Variants in SYBU observed in about 807,000 individuals in gnomAD.
The protein encoded by SYBU is GOLSYN A protein.
A neutral mutation model predicts 35.9 loss-of-function variants in SYBU; 21 were observed. The ratio of observed to expected loss-of-function variants is 0.58; its 90% CI spans 0.41 to 0.84. The LOEUF (loss-of-function observed/expected upper bound fraction) is 0.84. Ranked by LOEUF, SYBU falls within the 40% of genes least tolerant of loss-of-function variation. The pLI is 0.00. For missense variants in SYBU, 768 were observed against 848.2 expected, an observed-to-expected ratio of 0.91 and a Z score of 1.17; for synonymous variants, 319 against 324.3, an observed-to-expected ratio of 0.98 and a Z score of 0.18.
chr8:109,575,844 CTT>C lies in SYBU; in HGVS notation c.1052_1053del (p.Lys351ArgfsTer2). The C allele has an allele frequency of 6.2e-7, 1 of 1,613,984 alleles. No homozygotes were observed. Among genetic ancestry groups the C allele is most frequent in the Non-Finnish European group, 8.5e-7 (1 of 1,179,980 alleles). ...ACAAAATATTTCTGAATGCCTTTAT[CTT>C]TATCAGCCAAGCTGCTCCGCATGGT... ...IETMRSSLAD[K>X]DKGIQKYFVD... On this transcript the variant is annotated frameshift_variant, in exon 7 of 7. Transcript: ENST00000276646. LOFTEE classifies it low-confidence loss of function (END_TRUNC).
chr8:109,581,575 T>C (rs1038263787), intron 4 of SYBU, among the ~76,000 whole-genome samples: 3 of 152,262 alleles, frequency 2.0e-5, no homozygotes, highest in African/African-American at 7.2e-5. Context: ...TAAAGTTCTA[T>C]GTCAGGAATA....
rs886227967 is a variant in SYBU at position 109,671,297 on chromosome 8, G to A, written c.-129+9414C>T. 3.3e-5 allele frequency among the ~76,000 whole-genome samples: 5 copies of A among 152,112 alleles called. No individual in the cohort carries two copies. The East Asian group carries it at 9.7e-4, about 29-fold the overall frequency. Reference sequence around the variant, plus strand: ...TTAAAAAGAGAGGAAGGCTATTTGAGTGCATATTTCATAAGCTTCTTATTC... The same window carrying A: ...TTAAAAAGAGAGGAAGGCTATTTGAATGCATATTTCATAAGCTTCTTATTC... On this transcript the variant is annotated intron_variant, in intron 1 of 5. Transcript: ENST00000408889.
At chr8:109,632,521 T>C (rs1287899008) in intron 2 of SYBU, among the ~76,000 whole-genome samples, 1 of 152,058 alleles carries the variant, frequency 6.6e-6, no homozygotes, top group African/African-American at 2.4e-5. Flanking sequence ...GGGATAAAAA[T>C]GGAAAAAAAT....
At chr8:109,624,013 A>G (rs1174648700) in intron 2 of SYBU, among the ~76,000 whole-genome samples, 2 of 152,190 alleles carry the variant, frequency 1.3e-5, no homozygotes, top group East Asian at 3.8e-4. Flanking sequence ...TGTCATTGAA[A>G]ATTTCTCCCT....
intron 3 of SYBU, among the ~76,000 whole-genome samples, chr8:109,591,275 G>A (rs1395183154): frequency 6.6e-6 from 1 of 152,094 alleles, no homozygotes; most frequent in Non-Finnish European, 1.5e-5. Context: ...TAGATAATAT[G>A]TAACCTGCCA....
chr8:109,636,716 CAA>C (rs1348319506), intron 2 of SYBU, among the ~76,000 whole-genome samples: 1 of 151,824 alleles, frequency 6.6e-6, no homozygotes, highest in Non-Finnish European at 1.5e-5. Flanking sequence ...AAAGAATATG[CAA>C]AATAGTAAAA....
rs954415889 is a variant in SYBU, at chr8:109,625,924, T to C, written c.230-6885A>G. ...GACAACTTATATTCCTATTATTGTATGAACATACTCCACTTATTAAATACC... is the reference window on the plus strand; with the variant it reads ...GACAACTTATATTCCTATTATTGTACGAACATACTCCACTTATTAAATACC... On this transcript the variant is annotated intron_variant, in intron 2 of 6. Coordinates refer to ENST00000276646, the MANE Select transcript of SYBU (RefSeq NM_001099754.2). Among the ~76,000 whole-genome samples the C allele has an allele frequency of 2.6e-5, 4 of 152,248 alleles. No individual in the cohort carries two copies. The South Asian group carries it at 8.3e-4, about 32-fold the overall frequency.
chr8:109,600,819 A>ACAT (rs1825437520), intron 3 of SYBU, among the ~76,000 whole-genome samples: 1 of 152,214 alleles, frequency 6.6e-6, no homozygotes, highest in African/African-American at 2.4e-5. Context: ...ATGGCCACAT[A>ACAT]CATCACATAT....
chr8:109,687,468 A>G (rs1203549830), intron 1 of SYBU, among the ~76,000 whole-genome samples: 1 of 152,202 alleles, frequency 6.6e-6, no homozygotes, highest in African/African-American at 2.4e-5. Flanking sequence ...TGAGCATGGG[A>G]TTCCAAGATA....
intron 1 of SYBU, among the ~76,000 whole-genome samples, chr8:109,662,702 T>A (rs1194156400): frequency 6.6e-6 from 1 of 152,204 alleles, no homozygotes; most frequent in Non-Finnish European, 1.5e-5. Flanking sequence ...AAACCATGCC[T>A]TGGGCTTCAA....
chr8:109,651,431 T>C (rs1464753608), intron 1 of SYBU, among the ~76,000 whole-genome samples: 1 of 146,782 alleles, frequency 6.8e-6, no homozygotes, highest in Non-Finnish European at 1.5e-5. Context: ...TTGAGTCTCA[T>C]AGGCCTGAAA....
intron 3 of SYBU, among the ~76,000 whole-genome samples, chr8:109,600,810 T>C (rs913606728): frequency 1.3e-5 from 2 of 152,208 alleles, no homozygotes. Context: ...GGAGTTAACA[T>C]GGCCACATAC....
rs564499840 is a variant in SYBU at position 109,621,824 on chromosome 8, T to A, written c.230-2785A>T. On this transcript the variant is annotated intron_variant, in intron 2 of 6. Transcript: ENST00000276646. ...AATGCACCCGACACTAACAAAGGAA[T>A]CTAGAAAGGGCAGGGCCATGAATTT... Among the ~76,000 whole-genome samples the A allele has an allele frequency of 3.9e-5, 6 of 152,262 alleles. No individual in the cohort carries two copies. The East Asian group carries it at 1.2e-3, about 29-fold the overall frequency.
intron 2 of SYBU, among the ~76,000 whole-genome samples, chr8:109,628,864 C>A (rs184659512): frequency 1.1e-3 from 161 of 151,864 alleles, no homozygotes; most frequent in Non-Finnish European, 2.0e-3. Flanking sequence ...GAAGTATACT[C>A]GATGATATTA....
intron 4 of SYBU, among the ~76,000 whole-genome samples, chr8:109,582,718 A>C (rs1316271938): frequency 1.3e-5 from 2 of 152,132 alleles, no homozygotes; most frequent in African/African-American, 4.8e-5. Context: ...CCCCCTGCAA[A>C]TTGATATGTT....
intron 3 of SYBU, among the ~76,000 whole-genome samples, chr8:109,593,034 G>C (rs1303965200): frequency 3.9e-5 from 6 of 152,176 alleles, no homozygotes; most frequent in Admixed American, 3.9e-4. Context: ...AAACCTAACT[G>C]TGCATGAAGA....
chr8:109,676,049 TC>T (rs1346695653), intron 1 of SYBU, among the ~76,000 whole-genome samples: 6 of 152,188 alleles, frequency 3.9e-5, no homozygotes, highest in African/African-American at 1.2e-4. Context: ...CACTTGATTA[TC>T]TCAACAGATG....
At chr8:109,595,913 A>G (rs1392855474) in intron 3 of SYBU, among the ~76,000 whole-genome samples, 2 of 152,202 alleles carry the variant, frequency 1.3e-5, no homozygotes, top group Non-Finnish European at 2.9e-5. Context: ...TAAAATTCCC[A>G]CTTTCACTTC....
intron 4 of SYBU, among the ~76,000 whole-genome samples, chr8:109,581,698 T>A (rs1823048471): frequency 6.6e-6 from 1 of 152,224 alleles, no homozygotes; most frequent in Non-Finnish European, 1.5e-5. Context: ...GACATCTTAA[T>A]GAGAAATGTG....
Sources: allele counts gnomAD v4.1 joint callset (sites outside exome capture counted in the v4.1 genomes callset), GRCh38; gene constraint gnomAD v4.1.1; transcripts MANE v1.5; gene names NCBI Gene and HGNC (gene_info 2026-07-23, HGNC 2026-07-21).